MAP1B: variants seen among roughly 807,000 people sequenced by gnomAD.
MAP1B encodes the protein microtubule-associated protein 1B.
Under a neutral mutation model 176.1 loss-of-function variants are expected in MAP1B, and 12 were observed. The observed-to-expected ratio is 0.07, with a 90% CI of 0.04 to 0.11. The LOEUF is 0.11. MAP1B is among the 10% of genes least tolerant of loss of function. The pLI is 1.00. For missense variants in MAP1B, 2,523 were observed against 2,990.5 expected (o/e 0.84, Z 3.65); for synonymous variants, 1,044 against 1,135.0 (o/e 0.92, Z 1.61).
intron 2 of MAP1B, among the ~76,000 whole-genome samples, chr5:72,157,531 G>A (rs1410307994): frequency 6.6e-6 from 1 of 152,226 alleles, no homozygotes; most frequent in East Asian, 1.9e-4. Context: ...GGGACAGGGA[G>A]CCATGGGCTT....
At chr5:72,188,269 A>C (rs891621354) in intron 4 of MAP1B, among the ~76,000 whole-genome samples, 1 of 152,226 alleles carries the variant, frequency 6.6e-6, no homozygotes, top group African/African-American at 2.4e-5. Context: ...ACCCGGAGGC[A>C]GGTGGGCATT....
At chr5:72,129,950 A>G (rs1464920121) in intron 2 of MAP1B, among the ~76,000 whole-genome samples, 7 of 152,222 alleles carry the variant, frequency 4.6e-5, no homozygotes, top group Non-Finnish European at 1.0e-4. Context: ...GCGTATAAAT[A>G]TAAATGAAAT....
At chr5:72,146,326 G>T (rs1746044928) in intron 2 of MAP1B, among the ~76,000 whole-genome samples, 1 of 152,172 alleles carries the variant, frequency 6.6e-6, no homozygotes, top group Non-Finnish European at 1.5e-5. Flanking sequence ...CCTTTCTAGT[G>T]ATTTCTGTGG....
intron 2 of MAP1B, among the ~76,000 whole-genome samples, chr5:72,159,897 G>A (rs1378236560): frequency 6.6e-6 from 1 of 152,170 alleles, no homozygotes; most frequent in Admixed American, 6.5e-5. Flanking sequence ...CCAGCCACAC[G>A]AAATAATACG....
intron 2 of MAP1B, among the ~76,000 whole-genome samples, chr5:72,141,670 A>C (rs1324288014): frequency 6.6e-6 from 1 of 152,194 alleles, no homozygotes; most frequent in Non-Finnish European, 1.5e-5. Flanking sequence ...TAAGCCCAAG[A>C]AATATTGCAT....
Position 72,205,175 on chromosome 5 carries a change from T to C in MAP1B, c.7343T>C (p.Leu2448Ser). The C allele has an allele frequency of 6.2e-7, 1 of 1,614,070 alleles. No individual in the cohort carries two copies. The highest frequency in any genetic ancestry group is 8.5e-7 in the Non-Finnish European group (1 of 1,179,974). ...EKQQDLNIMV[L>S]ASSSTVVMQD... is the part of the protein sequence containing the mutation. Reference sequence around the variant, plus strand: ...CAGCAAGATCTCAACATCATGGTTTTAGCAAGCAGCAGCACAGTGGTTATG... The same window carrying C: ...CAGCAAGATCTCAACATCATGGTTTCAGCAAGCAGCAGCACAGTGGTTATG... The change falls in exon 7 of 7, where the codon TTA becomes TCA. Residue 2448 changes from leucine to serine, a missense_variant. Coordinates refer to ENST00000296755, the MANE Select transcript of MAP1B (RefSeq NM_005909.5).
chr5:72,152,631 G>GT (rs1317040682), intron 2 of MAP1B, among the ~76,000 whole-genome samples: 1 of 152,146 alleles, frequency 6.6e-6, no homozygotes, highest in Non-Finnish European at 1.5e-5. Context: ...ATTTTTAGTA[G>GT]AGATGGGGTT....
At chr5:72,144,457 GA>G (rs1247113889) in intron 2 of MAP1B, among the ~76,000 whole-genome samples, 3 of 152,064 alleles carry the variant, frequency 2.0e-5, no homozygotes, top group Non-Finnish European at 4.4e-5. Flanking sequence ...GCAGGGATGC[GA>G]TCATGGCTCA....
chr5:72,127,428 C>A (rs1464204795), intron 2 of MAP1B, among the ~76,000 whole-genome samples: 1 of 151,988 alleles, frequency 6.6e-6, no homozygotes, highest in Non-Finnish European at 1.5e-5. Context: ...ATTTTTAATA[C>A]CTTTAAGGTA....
intron 2 of MAP1B, among the ~76,000 whole-genome samples, chr5:72,147,169 G>T (rs1043663531): frequency 1.3e-5 from 2 of 151,908 alleles, no homozygotes; most frequent in Admixed American, 6.6e-5. Flanking sequence ...AGGTTTCACC[G>T]TGTTGGCTAG....
chr5:72,124,774 T>G (rs1306321271), intron 2 of MAP1B, among the ~76,000 whole-genome samples: 1 of 152,178 alleles, frequency 6.6e-6, no homozygotes, highest in Non-Finnish European at 1.5e-5. Flanking sequence ...TGGCTCAAAT[T>G]CAGATTTCTT....
chr5:72,202,444 C>A (rs1197510308), intron 5 of MAP1B, among the ~76,000 whole-genome samples: 1 of 152,178 alleles, frequency 6.6e-6, no homozygotes, highest in East Asian at 1.9e-4. Context: ...CCTAACCTCT[C>A]TAAAAATAAA....
At chr5:72,110,822 T>G (rs1263678774) in intron 1 of MAP1B, among the ~76,000 whole-genome samples, 1 of 152,200 alleles carries the variant, frequency 6.6e-6, no homozygotes, top group East Asian at 1.9e-4. Context: ...GAAAATAATC[T>G]ATAAATCTGT....
chr5:72,206,203 A>G lies in MAP1B; in HGVS notation c.*964A>G, dbSNP rs1426066122. On this transcript the variant is annotated 3_prime_UTR_variant, in exon 7 of 7. Coordinates refer to ENST00000296755, the MANE Select transcript of MAP1B (RefSeq NM_005909.5). ...CCTTAGGAAGTGACTTGAATGTACA[A>G]AGATACTTGATGCACTTATTTTTTA... is the stretch of plus-strand genomic sequence containing the variant. 6.5e-6 allele frequency: 1 copy of G among 152,696 alleles called. No individual in the cohort carries two copies. The allele number at this position is 152,696 out of a possible 1,614,324, so 9.5% of individuals were successfully genotyped here.
In MAP1B at chr5:72,207,893, T is replaced by C. The variant is rs561924090; in HGVS notation, c.*2654T>C. On this transcript the variant is annotated 3_prime_UTR_variant, in exon 7 of 7. Coordinates refer to ENST00000296755, the MANE Select transcript of MAP1B (RefSeq NM_005909.5). ...TATTTTGCTTTAAAAACTATAAACATTGTAGGAGAATTATAGCCAGTCTTC... is the reference window on the plus strand; with the variant it reads ...TATTTTGCTTTAAAAACTATAAACACTGTAGGAGAATTATAGCCAGTCTTC... The C allele has an allele frequency of 6.6e-6, 1 of 152,100 alleles. No individual in the cohort carries two copies. Among genetic ancestry groups the C allele is most frequent in the East Asian group, 1.9e-4 (1 of 5,182 alleles). 9.4% of individuals were successfully genotyped at this position (152,100 alleles called of 1,614,324 possible). A position where few individuals can be genotyped will look rare whatever the true frequency, so the allele number is the denominator to read the frequency against.
intron 4 of MAP1B, among the ~76,000 whole-genome samples, chr5:72,192,783 A>C (rs1432093822): frequency 6.6e-6 from 1 of 152,226 alleles, no homozygotes. Context: ...AGAATATTGG[A>C]GTTGATGGCA....
At chr5:72,128,564 G>A (rs181499072) in intron 2 of MAP1B, among the ~76,000 whole-genome samples, 15 of 152,104 alleles carry the variant, frequency 9.9e-5, no homozygotes, top group African/African-American at 3.6e-4. Context: ...GCATACAGTG[G>A]GGTGCACCCG....
intron 4 of MAP1B, among the ~76,000 whole-genome samples, chr5:72,190,811 A>G (rs939609959): frequency 6.6e-6 from 1 of 152,230 alleles, no homozygotes; most frequent in Non-Finnish European, 1.5e-5. Flanking sequence ...ACCCAGAGAT[A>G]CACTGTCTAC....
At chr5:72,108,860 G>T (rs1745226338) in intron 1 of MAP1B, among the ~76,000 whole-genome samples, 1 of 152,150 alleles carries the variant, frequency 6.6e-6, no homozygotes, top group South Asian at 2.1e-4. Context: ...CTGGCGTCCC[G>T]GCCCTCCCCT....
Sources: gnomAD v4.1 joint callset for allele counts (sites outside exome capture counted in the v4.1 genomes callset) on GRCh38, gnomAD v4.1.1 for gene constraint, MANE v1.5 for transcripts, NCBI Gene and HGNC (gene_info 2026-07-23, HGNC 2026-07-21) for gene names.